Variants in BMP8B observed in about 807,000 individuals in gnomAD.
BMP8B encodes the protein bone morphogenetic protein 8b.
Under a neutral mutation model 30.3 loss-of-function variants are expected in BMP8B, and 17 were observed. The observed-to-expected ratio is 0.56, with a 90% CI of 0.38 to 0.84. The LOEUF is 0.84. Among genes scored for constraint, BMP8B ranks in the 40% least tolerant of loss-of-function variants. BMP8B has a pLI of 0.00. For missense variants in BMP8B, 253 were observed against 494.6 expected, an observed-to-expected ratio of 0.51 and a Z score of 4.63; for synonymous variants, 131 against 214.7, an observed-to-expected ratio of 0.61 and a Z score of 3.41.
intron 1 of BMP8B, among the ~76,000 whole-genome samples, chr1:39,786,972 G>A (rs10789028): frequency 0.34 from 51,907 of 152,010 alleles, 9,227 homozygotes; most frequent in Middle Eastern, 0.5. Context: ...CCTCAGCCCA[G>A]ACTCCTCAGA....
At chr1:39,778,629 C>T (rs575363545) in intron 1 of BMP8B, among the ~76,000 whole-genome samples, 10 of 152,222 alleles carry the variant, frequency 6.6e-5, no homozygotes, top group Admixed American at 5.2e-4. Context: ...TCATAATTAC[C>T]GGTCCAGGCC....
rs41267037 is a variant in BMP8B at position 39,760,431 on chromosome 1, G to C, written c.1197C>G (p.Cys399Trp). The change falls in exon 7 of 7, where the codon TGC becomes TGG. Residue 399 changes from cysteine to tryptophan, a missense_variant. Physicochemically the swap from Cys to Trp is radical, Grantham distance 215. Coordinates refer to ENST00000372827, the MANE Select transcript of BMP8B (RefSeq NM_001720.5). The stretch of plus-strand genomic sequence containing the variant: ...CGGGCGGGTGGACTCAGTGGCAGCC[G>C]CAGGCCTTGACCACCATGTTGCGGT... ...RKHRNMVVKA[C>W]GCH 2.5e-6 allele frequency: 4 copies of C among 1,613,788 alleles called. No homozygotes were observed. The highest frequency in any genetic ancestry group is 3.4e-6 in the Non-Finnish European group (4 of 1,180,014).
chr1:39,760,602 G>A lies in BMP8B; in HGVS notation c.1060-34C>T, dbSNP rs752464896. 3.7e-6 allele frequency: 6 copies of A among 1,603,928 alleles called. No homozygotes were observed. The African/African-American group carries it at 8.0e-5, about 21-fold the overall frequency. On this transcript the variant is annotated intron_variant, in intron 6 of 6. Coordinates refer to ENST00000372827, the MANE Select transcript of BMP8B (RefSeq NM_001720.5). Reference sequence around the variant, plus strand: ...GAAGAGGGCACAGGCAGGGGCATGAGCCCAGTGGCCTCCTCCAAGGACCCA... The same window carrying A: ...GAAGAGGGCACAGGCAGGGGCATGAACCCAGTGGCCTCCTCCAAGGACCCA...
Position 39,784,548 on chromosome 1 carries a change from C to A in BMP8B, c.334+3604G>T, listed in dbSNP as rs1324403795. ...CTCCCTGAGGGCAGGGACTTTACTT[C>A]TCTCATTGTTATATCCCCAGCAACT... On this transcript the variant is annotated intron_variant, in intron 1 of 6. Coordinates refer to ENST00000372827, the MANE Select transcript of BMP8B (RefSeq NM_001720.5). Among the ~76,000 whole-genome samples, 2 of 104,448 alleles carry A rather than the reference C, an allele frequency of 1.9e-5. 1 individual carries two copies. The highest frequency in any genetic ancestry group is 6.6e-5 in the African/African-American group (2 of 30,374). The allele number at this position is 104,448 out of a possible 152,430, so 68.5% of individuals were successfully genotyped here.
chr1:39,787,942 C>G (rs952409397), intron 1 of BMP8B, among the ~76,000 whole-genome samples: 22 of 149,758 alleles, frequency 1.5e-4, no homozygotes, highest in Non-Finnish European at 2.8e-4. Context: ...AGTCCACAGT[C>G]CCCCACACTC....
intron 1 of BMP8B, among the ~76,000 whole-genome samples, chr1:39,782,459 C>CTAAAT (rs3062778): frequency 6.6e-6 from 1 of 151,274 alleles, no homozygotes; most frequent in Admixed American, 6.6e-5. Flanking sequence ...CAGACACTTG[C>CTAAAT]TTTGTTTTTG....
intron 6 of BMP8B, chr1:39,762,798 G>A (rs556705588): frequency 5.0e-5 from 62 of 1,230,294 alleles, no homozygotes; most frequent in Non-Finnish European, 6.2e-5. Flanking sequence ...GCCTCTGAGC[G>A]CTGCACACAG....
chr1:39,763,328 G>A (rs904167313), intron 5 of BMP8B, 126 bp from the exon 6 acceptor site: 53 of 944,214 alleles, frequency 5.6e-5, no homozygotes, highest in East Asian at 2.2e-4. Context: ...AGGAACCCCC[G>A]GCAGAAAAGG....
chr1:39,788,142 C>T lies in BMP8B; in HGVS notation c.334+10G>A, dbSNP rs1456365907. ...ACTCCGAGGGTCCCCGCGCGGGCGGCCGCACTCACCCATGTTAACGAAGCT... is the reference window on the plus strand; with the variant it reads ...ACTCCGAGGGTCCCCGCGCGGGCGGTCGCACTCACCCATGTTAACGAAGCT... On this transcript the variant is annotated intron_variant, in intron 1 of 6. Transcript: ENST00000372827. The surrounding 1 kb of genome is among the most constrained non-coding windows in gnomAD (Gnocchi z 5.8). 4 of 1,560,378 alleles carry T rather than the reference C, an allele frequency of 2.6e-6. No individual in the cohort carries two copies. The highest frequency in any genetic ancestry group is 3.4e-6 in the Non-Finnish European group (4 of 1,164,302).
chr1:39,757,988 G>A lies in BMP8B; in HGVS notation c.*2431C>T, dbSNP rs1169179258. ...AGGATCACGGCTCGTATTGGTTCCT[G>A]CTATGCACAGCTTGATTAATGGGTA... On this transcript the variant is annotated 3_prime_UTR_variant, in exon 7 of 7. Coordinates refer to ENST00000372827, the MANE Select transcript of BMP8B (RefSeq NM_001720.5). 1.3e-5 allele frequency: 2 copies of A among 152,160 alleles called. No individual in the cohort carries two copies. Among genetic ancestry groups the A allele is most frequent in the Admixed American group, 6.5e-5 (1 of 15,272 alleles). The allele number at this position is 152,160 out of a possible 1,614,324, so 9.4% of individuals were successfully genotyped here.
chr1:39,769,455 C>A (rs557867919), intron 3 of BMP8B: 36 of 435,144 alleles, frequency 8.3e-5, no homozygotes, highest in Non-Finnish European at 1.4e-4. Context: ...CAGAGCAAAG[C>A]GGACATCCAT....
At chr1:39,763,013 C>T (rs1204532631) in intron 6 of BMP8B, 79 bp downstream of exon 6, 2 of 1,545,718 alleles carry the variant, frequency 1.3e-6, no homozygotes, top group East Asian at 2.2e-5. Flanking sequence ...CCTCACTGCC[C>T]TCCCAGCCAG....
intron 1 of BMP8B, among the ~76,000 whole-genome samples, chr1:39,785,558 C>G (rs1407246578): frequency 1.3e-5 from 2 of 152,246 alleles, no homozygotes; most frequent in South Asian, 4.1e-4. Context: ...AAGAGTTGGG[C>G]CCTACGGGCA....
In BMP8B at chr1:39,768,025, T is replaced by G. The variant is rs1291894540; in HGVS notation, c.674-3208A>C. 1.3e-5 allele frequency among the ~76,000 whole-genome samples: 2 copies of G among 150,980 alleles called. 1 individual carries two copies. Among genetic ancestry groups the G allele is most frequent in the East Asian group, 4.0e-4 (2 of 4,972 alleles). ...CTGGGAACCCCCAGAGCTACACTTA[T>G]GCAGTGCATGCACCAGGCCAGGCTT... On this transcript the variant is annotated intron_variant, in intron 3 of 6. Transcript: ENST00000372827.
intron 6 of BMP8B, chr1:39,762,514 A>G (rs749209259): frequency 7.1e-6 from 11 of 1,549,490 alleles, no homozygotes; most frequent in Non-Finnish European, 9.6e-6. Context: ...TTTGTCCTTT[A>G]AGGTTGCCCC....
rs1207543015 is a variant in BMP8B, at chr1:39,769,593, T to C, written c.673+4715A>G. 3.6e-5 allele frequency: 51 copies of C among 1,415,486 alleles called. 1 individual carries two copies. The East Asian group carries it at 1.3e-3, about 36-fold the overall frequency. 87.7% of individuals were successfully genotyped at this position (1,415,486 alleles called of 1,614,324 possible). ...AGCACTGTCCACCTAGGGAGGAAAGTAGGAGGCCAGTAGCAAACCCCTCCC... is the reference window on the plus strand; with the variant it reads ...AGCACTGTCCACCTAGGGAGGAAAGCAGGAGGCCAGTAGCAAACCCCTCCC... On this transcript the variant is annotated intron_variant, in intron 3 of 6. Coordinates refer to ENST00000372827, the MANE Select transcript of BMP8B (RefSeq NM_001720.5).
intron 1 of BMP8B, among the ~76,000 whole-genome samples, chr1:39,783,996 T>C (rs960039377): frequency 7.9e-5 from 12 of 152,214 alleles, no homozygotes; most frequent in Non-Finnish European, 1.2e-4. Flanking sequence ...CAGCACACAC[T>C]GCATTTAACG....
In BMP8B at chr1:39,759,224, C is replaced by G. The variant is rs866442260; in HGVS notation, c.*1195G>C. Reference sequence around the variant, plus strand: ...AACTCAGCCTAATTACTACTTGTCACTCCCTGAAAAGGACCTTTTCTTTGA... The same window carrying G: ...AACTCAGCCTAATTACTACTTGTCAGTCCCTGAAAAGGACCTTTTCTTTGA... On this transcript the variant is annotated 3_prime_UTR_variant, in exon 7 of 7. Transcript: ENST00000372827. 1.9e-4 allele frequency: 29 copies of G among 152,368 alleles called. No individual in the cohort carries two copies. Among genetic ancestry groups the G allele is most frequent in the African/African-American group, 6.5e-4 (27 of 41,572 alleles). 9.4% of individuals were successfully genotyped at this position (152,368 alleles called of 1,614,324 possible). A position where few individuals can be genotyped will look rare whatever the true frequency, so the allele number is the denominator to read the frequency against.
chr1:39,768,845 A>G (rs1249905001), intron 3 of BMP8B, among the ~76,000 whole-genome samples: 2 of 150,532 alleles, frequency 1.3e-5, no homozygotes, highest in African/African-American at 4.9e-5. Context: ...TAGGTAACAG[A>G]GCGAGATTCT....
Sources: gnomAD v4.1 joint callset for allele counts (sites outside exome capture counted in the v4.1 genomes callset) on GRCh38, gnomAD v4.1.1 for gene constraint, Gnocchi (gnomAD v3.1) non-coding constraint, MANE v1.5 for transcripts, NCBI Gene and HGNC (gene_info 2026-07-23, HGNC 2026-07-21) for gene names.